FRMD4A: variants seen among roughly 807,000 people sequenced by gnomAD.
The protein encoded by FRMD4A is FERM domain-containing protein 4A.
FRMD4A carries 29 observed loss-of-function variants against 129.1 expected under a neutral mutation model. The observed-to-expected ratio is 0.22, with a 90% CI of 0.17 to 0.31. FRMD4A has a LOEUF of 0.31. Ranked by LOEUF, FRMD4A falls within the 10% of genes least tolerant of loss-of-function variation. The pLI, the probability that FRMD4A is intolerant of heterozygous loss-of-function variation, is 1.00. For synonymous variants in FRMD4A, 634 were observed against 571.6 expected, an observed-to-expected ratio of 1.11 and a Z score of -1.56; for missense variants, 1,272 against 1,375.8, an observed-to-expected ratio of 0.92 and a Z score of 1.19.
At chr10:13,980,744 T>C (rs572392019) in intron 2 of FRMD4A, among the ~76,000 whole-genome samples, 59 of 152,170 alleles carry the variant, frequency 3.9e-4, no homozygotes, top group African/African-American at 1.2e-3. Context: ...AATCAAATAT[T>C]TTAAAAATTA....
intron 20 of FRMD4A, 27 bp from the exon 21 acceptor site, chr10:13,659,517 C>A (rs773309388): frequency 6.3e-7 from 1 of 1,599,410 alleles, no homozygotes; most frequent in South Asian, 1.1e-5. Context: ...GCCACGTGGT[C>A]ACCGCCAGAC....
chr10:14,109,341 T>C (rs1376999805), intron 2 of FRMD4A, among the ~76,000 whole-genome samples: 1 of 152,228 alleles, frequency 6.6e-6, no homozygotes, highest in African/African-American at 2.4e-5. Context: ...TAGACCATAA[T>C]TTCCAGTTTG....
chr10:14,193,277 G>C (rs1842372158), intron 2 of FRMD4A, among the ~76,000 whole-genome samples: 1 of 152,160 alleles, frequency 6.6e-6, no homozygotes, highest in African/African-American at 2.4e-5. Context: ...AATGCACCAA[G>C]TGATGTGCCT....
At chr10:14,258,322 T>TA (rs34613361) in intron 2 of FRMD4A, among the ~76,000 whole-genome samples, 26,091 of 142,448 alleles carry the variant, frequency 0.18, 3,874 homozygotes, top group African/African-American at 0.42. Context: ...GGGTTTTAAC[T>TA]AAAAAAAAAA....
rs987470723 is a variant in FRMD4A at position 13,647,012 on chromosome 10, A to G, written c.*26T>C. The G allele has an allele frequency of 7.2e-6, 7 of 975,804 alleles. No individual in the cohort carries two copies. Among genetic ancestry groups the G allele is most frequent in the Non-Finnish European group, 7.3e-6 (6 of 820,776 alleles). The allele number at this position is 975,804 out of a possible 1,614,324, so 60.4% of individuals were successfully genotyped here. A position where few individuals can be genotyped will look rare whatever the true frequency, so the allele number is the denominator to read the frequency against. On this transcript the variant is annotated 3_prime_UTR_variant, in exon 25 of 25. Transcript: ENST00000357447. ...TAGTTCTGGATAGAGGGAGGAATCCAGGAAACAGCTATCATTGTAGCTCCT... is the reference window on the plus strand; with the variant it reads ...TAGTTCTGGATAGAGGGAGGAATCCGGGAAACAGCTATCATTGTAGCTCCT...
chr10:13,944,137 C>T (rs2095314565), intron 2 of FRMD4A, among the ~76,000 whole-genome samples: 1 of 152,196 alleles, frequency 6.6e-6, no homozygotes, highest in Admixed American at 6.5e-5. Context: ...GGATCCCCAA[C>T]CCCTGGGCCA....
intron 12 of FRMD4A, among the ~76,000 whole-genome samples, chr10:13,716,134 G>A (rs192700823): frequency 7.2e-4 from 110 of 152,260 alleles, no homozygotes; most frequent in African/African-American, 2.5e-3. Context: ...GCAAGGAGAA[G>A]TTGGACCCAG....
intron 2 of FRMD4A, chr10:13,971,894 T>C (rs1456674761): frequency 9.4e-6 from 12 of 1,274,918 alleles, no homozygotes; most frequent in Non-Finnish European, 1.1e-5. Flanking sequence ...GTCAGTAAGA[T>C]TTAATCAGGC....
At chr10:13,658,132 T>TAAAAAAAAAAAAAAA (rs565374030) in intron 21 of FRMD4A, among the ~76,000 whole-genome samples, 3 of 81,238 alleles carry the variant, frequency 3.7e-5, no homozygotes, top group African/African-American at 9.0e-5. Flanking sequence ...CTGTCTCTCT[T>TAAAAAAAAAAAAAAA]AAAAAAAAAA....
chr10:13,652,099 A>C lies in FRMD4A; in HGVS notation c.3051-125T>G, dbSNP rs959491174. The C allele has an allele frequency of 3.0e-5, 21 of 706,816 alleles. No homozygotes were observed. The African/African-American group carries it at 3.4e-4, about 12-fold the overall frequency. 43.8% of individuals were successfully genotyped at this position (706,816 alleles called of 1,614,324 possible). ...GAAAGGCTTGCTGATTAGACACCTGAGTTAGCAACAGATCATACAAGTCAT... is the reference window on the plus strand; with the variant it reads ...GAAAGGCTTGCTGATTAGACACCTGCGTTAGCAACAGATCATACAAGTCAT... On this transcript the variant is annotated intron_variant, in intron 23 of 24. Coordinates refer to ENST00000357447, the MANE Select transcript of FRMD4A (RefSeq NM_018027.5).
chr10:13,656,803 C>A lies in FRMD4A; in HGVS notation c.2786G>T (p.Arg929Leu). 6.3e-7 allele frequency: 1 copy of A among 1,585,108 alleles called. No homozygotes were observed. The highest frequency in any genetic ancestry group is 1.1e-5 in the South Asian group (1 of 87,228). The change falls in exon 22 of 25, where the codon CGC becomes CTC. Residue 929 changes from arginine to leucine, a missense_variant. Physicochemically the swap from Arg to Leu is moderately radical, Grantham distance 102. This residue lies in a region of FRMD4A where 972 missense variants were observed against 892.3 expected (regional missense o/e 1.09). Transcript: ENST00000357447. ...AGRAAVSDEL[R>L]QWYQRSTASH... is the part of the protein sequence containing the mutation. ...GGCGGTGGAACGCTGGTACCACTGG[C>A]GCAGCTCGTCTGAGACGGCGGCACG...
At chr10:13,669,131 G>A (rs1380295775) in intron 17 of FRMD4A, among the ~76,000 whole-genome samples, 1 of 142,312 alleles carries the variant, frequency 7.0e-6, no homozygotes, top group East Asian at 2.1e-4. Context: ...GCGCAACCTT[G>A]GCTCACCGCA....
At chr10:14,185,590 G>C (rs772800347) in intron 2 of FRMD4A, among the ~76,000 whole-genome samples, 2 of 150,372 alleles carry the variant, frequency 1.3e-5, no homozygotes, top group Non-Finnish European at 1.5e-5. Flanking sequence ...TTGTAAGAAA[G>C]AGAAACAGGT....
chr10:13,801,092 C>T (rs2093243832), intron 4 of FRMD4A, among the ~76,000 whole-genome samples: 1 of 152,210 alleles, frequency 6.6e-6, no homozygotes, highest in Middle Eastern at 3.4e-3. Flanking sequence ...ACCAAAAATA[C>T]AAAAACTAGC....
rs1327007 is a variant in FRMD4A at position 14,223,606 on chromosome 10, A to T, written c.45+106452T>A. 2.1e-4 allele frequency among the ~76,000 whole-genome samples: 32 copies of T among 152,210 alleles called. No individual in the cohort carries two copies. The East Asian group carries it at 3.7e-3, about 18-fold the overall frequency. The stretch of plus-strand genomic sequence containing the variant: ...ATATCAAAAAATTAGCCAGGCATGG[A>T]GGCACACAACTGCAGTCCCAGCTGC... On this transcript the variant is annotated intron_variant, in intron 2 of 24. Transcript: ENST00000357447.
At chr10:13,772,690 A>C (rs2092491857) in intron 6 of FRMD4A, among the ~76,000 whole-genome samples, 1 of 152,204 alleles carries the variant, frequency 6.6e-6, no homozygotes, top group Non-Finnish European at 1.5e-5. Context: ...TGTAAAGTGA[A>C]ATAGGCCAGG....
rs137985980 is a variant in FRMD4A, at chr10:13,738,279, G to T, written c.673-349C>A. Among the ~76,000 whole-genome samples, 379 of 152,180 alleles carry T rather than the reference G, an allele frequency of 2.5e-3. 5 individuals carry two copies. Among genetic ancestry groups the T allele is most frequent in the African/African-American group, 8.6e-3 (359 of 41,510 alleles). ...GAATTTAGGCATTCCATGCCGGGAT[G>T]CTCACTCACCACAACTGAAAATCTG... On this transcript the variant is annotated intron_variant, in intron 11 of 24. Coordinates refer to ENST00000357447, the MANE Select transcript of FRMD4A (RefSeq NM_018027.5).
At chr10:13,988,652 A>T (rs1175933881) in intron 2 of FRMD4A, among the ~76,000 whole-genome samples, 1 of 152,186 alleles carries the variant, frequency 6.6e-6, no homozygotes, top group African/African-American at 2.4e-5. Context: ...ATACCGATGG[A>T]TAGATACCGA....
chr10:14,009,619 C>T (rs576801103), intron 2 of FRMD4A, among the ~76,000 whole-genome samples: 85 of 152,280 alleles, frequency 5.6e-4, no homozygotes, highest in African/African-American at 1.8e-3. Context: ...AAGAAAGAGG[C>T]GAAGGGTGCC....
Sources: allele counts gnomAD v4.1 joint callset (sites outside exome capture counted in the v4.1 genomes callset), GRCh38; gene constraint gnomAD v4.1.1; regional missense constraint gnomAD v4.1.1; transcripts MANE v1.5; gene names NCBI Gene and HGNC (gene_info 2026-07-23, HGNC 2026-07-21).